The following MLLT10 variants were observed in gnomAD, a reference collection of about 807,000 sequenced individuals.
MLLT10 encodes MLLT10 histone lysine methyltransferase DOT1L cofactor, also known as protein AF-10.
Under a neutral mutation model 129.1 loss-of-function variants are expected in MLLT10, and 30 were observed. The ratio of observed to expected loss-of-function variants is 0.23; its 90% confidence interval spans 0.17 to 0.32. The LOEUF (loss-of-function observed/expected upper bound fraction) is 0.32. Among genes scored for constraint, MLLT10 ranks in the 10% least tolerant of loss-of-function variants. MLLT10 has a pLI of 1.00. For missense variants in MLLT10, 1,119 were observed against 1,268.3 expected (o/e 0.88, Z 1.79); for synonymous variants, 490 against 446.4 (o/e 1.10, Z -1.23).
At chr10:21,680,730 G>T (rs954232336) in intron 11 of MLLT10, among the ~76,000 whole-genome samples, 1 of 152,052 alleles carries the variant, frequency 6.6e-6, no homozygotes, top group Non-Finnish European at 1.5e-5. Flanking sequence ...CCAGCACTTT[G>T]GGAGGTCAAG....
At chr10:21,599,597 C>T (rs191679373) in intron 5 of MLLT10, among the ~76,000 whole-genome samples, 2 of 152,206 alleles carry the variant, frequency 1.3e-5, no homozygotes, top group African/African-American at 4.8e-5. Flanking sequence ...CCCTGTCTCA[C>T]TTTGTCACCC....
chr10:21,700,368 C>T (rs1337432080), intron 13 of MLLT10, among the ~76,000 whole-genome samples: 1 of 152,030 alleles, frequency 6.6e-6, no homozygotes, highest in Non-Finnish European at 1.5e-5. Flanking sequence ...ATTTCTGTTG[C>T]CAGATTGCTC....
chr10:21,685,358 G>A (rs1216946122), intron 13 of MLLT10, among the ~76,000 whole-genome samples: 3 of 152,070 alleles, frequency 2.0e-5, no homozygotes, highest in Admixed American at 6.6e-5. Context: ...TTTTTGAGAT[G>A]GAGTCTCACT....
chr10:21,655,498 C>T (rs989374976), intron 9 of MLLT10, among the ~76,000 whole-genome samples: 45 of 151,912 alleles, frequency 3.0e-4, no homozygotes, highest in African/African-American at 9.9e-4. Flanking sequence ...ATAGTTTTCA[C>T]GTGTTATGAA....
Position 21,651,669 on chromosome 10 carries a change from T to A in MLLT10, c.700-4T>A, listed in dbSNP as rs756671721. The A allele has an allele frequency of 5.6e-6, 9 of 1,606,726 alleles. No homozygotes were observed. ...AATTGGATTTTACTTATATTCGTTT[T>A]TAGAAATATAAAGAGAAGGACAAAC... On this transcript the variant is annotated splice_polypyrimidine_tract_variant and splice_region_variant and intron_variant, in intron 8 of 22. Coordinates refer to ENST00000307729, the MANE Select transcript of MLLT10 (RefSeq NM_001195626.3).
intron 21 of MLLT10, chr10:21,738,689 G>T: frequency 2.3e-6 from 1 of 438,984 alleles, no homozygotes; most frequent in South Asian, 9.7e-5. Flanking sequence ...AACGTCACCT[G>T]GCAACGGCAT....
rs767591239 is a variant in MLLT10, at chr10:21,732,907, A to C, written c.2227A>C (p.Met743Leu). 7 of 1,613,428 alleles carry C rather than the reference A, an allele frequency of 4.3e-6. No individual in the cohort carries two copies. In the Admixed American group the frequency reaches 6.7e-5, roughly 15 times the overall value. ...ATCCAAATGTGTGGTAGTTTTAGGA[A>C]TGCTGAAGTCATTACACCAACTTCA... ...EQGTPSDILGMLKSLHQLQVE... is the reference protein window; with the variant it reads ...EQGTPSDILGLLKSLHQLQVE... The change falls in exon 18 of 23, where the codon ATG (methionine) becomes CTG (leucine). Residue 743 changes from methionine (M) to leucine (L), a missense_variant. Physicochemically the swap from Met to Leu is conservative, Grantham distance 15. Coordinates refer to ENST00000307729, the MANE Select transcript of MLLT10 (RefSeq NM_001195626.3).
chr10:21,624,977 C>G, intron 8 of MLLT10: 1 of 1,219,008 alleles, frequency 8.2e-7, no homozygotes, highest in Non-Finnish European at 1.2e-6. Flanking sequence ...CCTGCCCTCC[C>G]CTTCCTCCTC....
upstream of MLLT10, among the ~76,000 whole-genome samples, chr10:21,533,812 C>T (rs1332783882): frequency 3.3e-5 from 5 of 152,208 alleles, no homozygotes; most frequent in Non-Finnish European, 7.3e-5. Context: ...TCGTTTTCCA[C>T]GGGCCAGTCT....
At chr10:21,579,638 A>G (rs2041179755) in intron 3 of MLLT10, among the ~76,000 whole-genome samples, 1 of 151,022 alleles carries the variant, frequency 6.6e-6, no homozygotes, top group Non-Finnish European at 1.5e-5. Context: ...TCTCGGCTCA[A>G]CACAACCTCC....
chr10:21,638,927 G>A (rs949261819), intron 8 of MLLT10, among the ~76,000 whole-genome samples: 1 of 152,134 alleles, frequency 6.6e-6, no homozygotes, highest in African/African-American at 2.4e-5. Flanking sequence ...ATAGTTTCTG[G>A]TGCTTAGCCT....
intron 3 of MLLT10, among the ~76,000 whole-genome samples, chr10:21,561,593 T>C (rs1446625042): frequency 6.6e-6 from 1 of 152,022 alleles, no homozygotes; most frequent in Non-Finnish European, 1.5e-5. Context: ...GTTTGATCCA[T>C]TTTGAGCCAA....
chr10:21,584,777 G>A (rs1224513522), intron 3 of MLLT10, among the ~76,000 whole-genome samples: 1 of 151,268 alleles, frequency 6.6e-6, no homozygotes, highest in Non-Finnish European at 1.5e-5. Context: ...AAGTATGTGT[G>A]TATGTGTGTA....
At chr10:21,538,274 C>T (rs996796957) in intron 2 of MLLT10, among the ~76,000 whole-genome samples, 2 of 151,840 alleles carry the variant, frequency 1.3e-5, no homozygotes, top group Admixed American at 6.6e-5. Context: ...AAGCGATTCT[C>T]CTGCCGCAGC....
intron 22 of MLLT10, among the ~76,000 whole-genome samples, chr10:21,741,250 A>T (rs1376933093): frequency 7.1e-6 from 1 of 140,210 alleles, no homozygotes; most frequent in Non-Finnish European, 1.5e-5. Flanking sequence ...GTGATTCTGT[A>T]TTGAGTTCTT....
At chr10:21,629,443 C>T (rs2046799612) in intron 8 of MLLT10, among the ~76,000 whole-genome samples, 2 of 152,096 alleles carry the variant, frequency 1.3e-5, no homozygotes, top group Admixed American at 1.3e-4. Context: ...CGGGTAGGCA[C>T]TGCACAGGTA....
At chr10:21,584,658 T>TATA (rs1252115983) in intron 3 of MLLT10, among the ~76,000 whole-genome samples, 1 of 151,968 alleles carries the variant, frequency 6.6e-6, no homozygotes, top group Non-Finnish European at 1.5e-5. Flanking sequence ...TTTAATACTA[T>TATA]TTCAACTTAA....
chr10:21,684,768 G>A (rs1042809375), intron 13 of MLLT10, among the ~76,000 whole-genome samples: 2 of 152,186 alleles, frequency 1.3e-5, no homozygotes, highest in African/African-American at 4.8e-5. Context: ...GGCATGTGGA[G>A]TTTTTCTTCA....
chr10:21,626,031 G>T, intron 8 of MLLT10: 4 of 1,266,424 alleles, frequency 3.2e-6, no homozygotes, highest in South Asian at 1.2e-5. Context: ...GTTACATTCA[G>T]AGTATAATCA....
Sources: allele counts gnomAD v4.1 joint callset (sites outside exome capture counted in the v4.1 genomes callset), GRCh38; gene constraint gnomAD v4.1.1; transcripts MANE v1.5; gene names NCBI Gene and HGNC (gene_info 2026-07-23, HGNC 2026-07-21).